The following BCL3 variants were observed in gnomAD, a reference collection of about 807,000 sequenced individuals.
BCL3 encodes B-cell lymphoma 3 protein.
Under a neutral mutation model 35.7 loss-of-function variants are expected in BCL3, and 15 were observed. The ratio of observed to expected loss-of-function variants is 0.42; its 90% CI spans 0.28 to 0.65. BCL3 has a LOEUF of 0.65. Among genes scored for constraint, BCL3 ranks in the 30% least tolerant of loss-of-function variants. The probability of loss-of-function intolerance (pLI) is 0.22; values close to 1 mark genes in which losing one functional copy is unlikely to be tolerated. For missense variants in BCL3, 565 were observed against 641.7 expected (o/e 0.88, Z 1.29); for synonymous variants, 311 against 284.3 (o/e 1.09, Z -0.95).
chr19:44,752,666 G>A (rs1245065334), intron 2 of BCL3, among the ~76,000 whole-genome samples: 1 of 152,164 alleles, frequency 6.6e-6, no homozygotes, highest in African/African-American at 2.4e-5. Flanking sequence ...GAGAAGTCCT[G>A]CACGGGAGGG....
Position 44,758,220 on chromosome 19 carries a change from C to T in BCL3, c.892-26C>T, listed in dbSNP as rs2306147. 1,009 of 1,464,088 alleles carry T rather than the reference C, an allele frequency of 6.9e-4. 11 individuals are homozygous for T. In the South Asian group the frequency reaches 7.4e-3, roughly 11 times the overall value. 90.7% of individuals were successfully genotyped at this position (1,464,088 alleles called of 1,614,324 possible). On this transcript the variant is annotated intron_variant, in intron 6 of 8. Transcript: ENST00000164227. ...TTACCCCGGGTGGCCCGCGCGCCCTCCTGACCCGGCCCTCCCGTCCCGCAG... is the reference window on the plus strand; with the variant it reads ...TTACCCCGGGTGGCCCGCGCGCCCTTCTGACCCGGCCCTCCCGTCCCGCAG...
Position 44,759,984 on chromosome 19 carries a change from G to A in BCL3, c.*369G>A, listed in dbSNP as rs577172870. 2.9e-5 allele frequency: 8 copies of A among 276,682 alleles called. No individual in the cohort carries two copies. Among genetic ancestry groups the A allele is most frequent in the Admixed American group, 5.3e-5 (1 of 18,698 alleles). 17.1% of individuals were successfully genotyped at this position (276,682 alleles called of 1,614,324 possible). A position where few individuals can be genotyped will look rare whatever the true frequency, so the allele number is the denominator to read the frequency against. On this transcript the variant is annotated 3_prime_UTR_variant, in exon 9 of 9. Transcript: ENST00000164227. ...GTGGGCCGTAACGGGCACGGATCAC[G>A]ATGTAAATTATTAAGCATTTTGGTT...
rs368898198 is a variant in BCL3 at position 44,759,412 on chromosome 19, T to C, written c.1178-16T>C. 1.8e-5 allele frequency: 27 copies of C among 1,523,504 alleles called. No homozygotes were observed. Among genetic ancestry groups the C allele is most frequent in the Non-Finnish European group, 2.3e-5 (26 of 1,133,022 alleles). 94.4% of individuals were successfully genotyped at this position (1,523,504 alleles called of 1,614,324 possible). A position where few individuals can be genotyped will look rare whatever the true frequency, so the allele number is the denominator to read the frequency against. ...GCCTCTCACCACCCACCCCTCTGTC[T>C]CTCTTCCTTCCTCAGGTCTTCTCTC... On this transcript the variant is annotated splice_polypyrimidine_tract_variant and intron_variant, in intron 8 of 8. Coordinates refer to ENST00000164227, the MANE Select transcript of BCL3 (RefSeq NM_005178.5).
rs190444417 is a variant in BCL3, at chr19:44,757,921, C to T, written c.891+198C>T. Among the ~76,000 whole-genome samples, 528 of 152,322 alleles carry T rather than the reference C, an allele frequency of 3.5e-3. 5 individuals carry two copies. The highest frequency in any genetic ancestry group is 0.012 in the African/African-American group (509 of 41,584). The stretch of plus-strand genomic sequence containing the variant: ...TGGCTACGAACTTGTCCCATTCCTC[C>T]TCTGCCACCTCAACGGCCTAGGCCC... On this transcript the variant is annotated intron_variant, in intron 6 of 8. Coordinates refer to ENST00000164227, the MANE Select transcript of BCL3 (RefSeq NM_005178.5). This position sits in a 1 kb window ranked among gnomAD's most constrained non-coding sequence, Gnocchi z 8.4.
rs532823457 is a variant in BCL3 at position 44,759,714 on chromosome 19, C to G, written c.*99C>G. ...CTGTGAAGATCTCACTCTGCCCCCC[C>G]CCCCCATCTTCGGGACCAGGATTTG... On this transcript the variant is annotated 3_prime_UTR_variant, in exon 9 of 9. Transcript: ENST00000164227. The G allele has an allele frequency of 6.0e-5, 39 of 654,464 alleles. 1 individual carries two copies. In the Admixed American group the frequency reaches 9.3e-4, roughly 16 times the overall value. 40.5% of individuals were successfully genotyped at this position (654,464 alleles called of 1,614,324 possible).
chr19:44,750,541 C>T (rs183594759), intron 1 of BCL3, among the ~76,000 whole-genome samples: 2 of 152,194 alleles, frequency 1.3e-5, no homozygotes, highest in African/African-American at 2.4e-5. Context: ...TCAGGTGATC[C>T]GCCCGCCTCG....
At chr19:44,758,657 C>A in intron 7 of BCL3, 67 bp from the exon 8 acceptor site, 1 of 1,410,108 alleles carries the variant, frequency 7.1e-7, no homozygotes, top group Non-Finnish European at 9.8e-7. Context: ...ATCCAGTGAG[C>A]TAGGAGGGAT....
intron 1 of BCL3, among the ~76,000 whole-genome samples, chr19:44,749,709 G>C (rs1475678933): frequency 6.6e-6 from 1 of 152,112 alleles, no homozygotes; most frequent in Non-Finnish European, 1.5e-5. Flanking sequence ...GGGTTTCTGG[G>C]TACTCAGTTA....
chr19:44,754,900 G>C (rs1967252942), intron 2 of BCL3, among the ~76,000 whole-genome samples: 1 of 152,264 alleles, frequency 6.6e-6, no homozygotes, highest in Non-Finnish European at 1.5e-5. Flanking sequence ...ACGCTAGGAG[G>C]GGTTGTGGCC....
At position 44,749,002 on chromosome 19, in the gene BCL3, G is replaced by A; in HGVS notation, c.212G>A (p.Gly71Glu). 1 of 1,387,202 alleles carries A rather than the reference G, an allele frequency of 7.2e-7. No homozygotes were observed. Among genetic ancestry groups the A allele is most frequent in the Non-Finnish European group, 9.4e-7 (1 of 1,069,174 alleles). The allele number at this position is 1,387,202 out of a possible 1,614,324, so 85.9% of individuals were successfully genotyped here. A position where few individuals can be genotyped will look rare whatever the true frequency, so the allele number is the denominator to read the frequency against. ...RGGCDLPAVP[G>E]PPHGLARPEA... ...GGCTGCGACCTGCCGGCGGTCCCCG[G>A]GCCCCCCCACGGCCTGGCCCGGCCG... The change falls in exon 1 of 9, where the codon GGG (glycine) becomes GAG (glutamate). Residue 71 changes from glycine to glutamate, a missense_variant. Physicochemically the swap from Gly to Glu is moderately conservative, Grantham distance 98 (BLOSUM62 -2). This residue lies in a region of BCL3 where 267 missense variants were observed against 281.5 expected (regional missense o/e 0.95). Coordinates refer to ENST00000164227, the MANE Select transcript of BCL3 (RefSeq NM_005178.5).
chr19:44,750,658 C>G (rs1026750698), intron 1 of BCL3, among the ~76,000 whole-genome samples: 19 of 152,128 alleles, frequency 1.2e-4, no homozygotes, highest in Non-Finnish European at 2.1e-4. Context: ...TGGTCAGCAT[C>G]TGTAATCCCA....
upstream of BCL3, chr19:44,748,121 C>A: frequency 7.6e-7 from 1 of 1,310,874 alleles, no homozygotes; most frequent in South Asian, 1.3e-5. Context: ...GCCAAGGTCA[C>A]CCAGCGAGTA....
chr19:44,752,168 T>C (rs1967193324), intron 2 of BCL3, among the ~76,000 whole-genome samples: 1 of 151,990 alleles, frequency 6.6e-6, no homozygotes, highest in African/African-American at 2.4e-5. Flanking sequence ...ATGTGGGTTC[T>C]ACTGTGACAT....
intron 1 of BCL3, 118 bp downstream of exon 1, chr19:44,749,164 G>A (rs1967127591): frequency 2.5e-6 from 1 of 397,918 alleles, no homozygotes; most frequent in Non-Finnish European, 4.0e-6. Flanking sequence ...TGGGGGACAA[G>A]AGGATATAAG....
At chr19:44,755,428 A>C (rs1448170986) in intron 2 of BCL3, 1 of 152,238 alleles carries the variant, frequency 6.6e-6, no homozygotes, top group Non-Finnish European at 1.5e-5. Context: ...GCTGCCCTTG[A>C]TTCACATGGG....
chr19:44,759,869 CTTCCAT>C lies in BCL3; in HGVS notation c.*261_*266del. 2 of 424,008 alleles carry C rather than the reference CTTCCAT, an allele frequency of 4.7e-6. No homozygotes were observed. Among genetic ancestry groups the C allele is most frequent in the Non-Finnish European group, 8.3e-6 (2 of 241,102 alleles). The allele number at this position is 424,008 out of a possible 1,614,324, so 26.3% of individuals were successfully genotyped here. On this transcript the variant is annotated 3_prime_UTR_variant, in exon 9 of 9. Coordinates refer to ENST00000164227, the MANE Select transcript of BCL3 (RefSeq NM_005178.5). ...TCCCTGTCCGGAATGCCACCCACAT[CTTCCAT>C]TTCCATGTCCCCTCCCAGAGCTGGT...
intron 1 of BCL3, among the ~76,000 whole-genome samples, chr19:44,750,168 A>G (rs1032670490): frequency 6.6e-6 from 1 of 152,208 alleles, no homozygotes; most frequent in Non-Finnish European, 1.5e-5. Flanking sequence ...TATGTGCATC[A>G]GGAGTTCTGC....
intron 2 of BCL3, among the ~76,000 whole-genome samples, chr19:44,752,773 C>T (rs1181109387): frequency 6.6e-6 from 1 of 152,164 alleles, no homozygotes; most frequent in Non-Finnish European, 1.5e-5. Context: ...AGCGTGGCCA[C>T]GTTCTACTCC....
intron 3 of BCL3, 21 bp downstream of exon 3, chr19:44,756,361 G>A: frequency 6.9e-7 from 1 of 1,447,012 alleles, no homozygotes; most frequent in Non-Finnish European, 9.2e-7. Context: ...GTCTGAGGGA[G>A]GAGGGCTGGG....
Sources: gnomAD v4.1 joint callset for allele counts (sites outside exome capture counted in the v4.1 genomes callset) on GRCh38, gnomAD v4.1.1 for gene constraint, gnomAD v4.1.1 regional missense constraint, Gnocchi (gnomAD v3.1) non-coding constraint, MANE v1.5 for transcripts, NCBI Gene and HGNC (gene_info 2026-07-23, HGNC 2026-07-21) for gene names.